Variants in NTHL1 observed in about 807,000 individuals in gnomAD.
NTHL1 encodes endonuclease III-like protein 1.
Under a neutral mutation model 32.3 loss-of-function variants are expected in NTHL1, and 32 were observed. That is an observed-to-expected ratio of 0.99 (90% CI 0.75 to 1.33). NTHL1 has a LOEUF of 1.33. NTHL1 is among the 40% of genes most tolerant of loss of function. The pLI is 0.00. For missense variants in NTHL1, 501 were observed against 414.1 expected (o/e 1.21, Z -1.82); for synonymous variants, 188 against 176.9 (o/e 1.06, Z -0.50).
intron 1 of NTHL1, 134 bp downstream of exon 1, chr16:2,047,555 GGTGGGAACGCAGGGCCGCAC>G (rs928747873): frequency 7.9e-7 from 1 of 1,260,624 alleles, no homozygotes; most frequent in African/African-American, 1.5e-5. Flanking sequence ...AAAGGCGCAA[GGTGGGAACGCAGGGCCGCAC>G]GTGGGAACCG....
chr16:2,047,769 C>T lies in NTHL1; in HGVS notation c.55G>A (p.Ala19Thr), dbSNP rs2150958171. 6.3e-7 allele frequency: 1 copy of T among 1,587,374 alleles called. No homozygotes were observed. The highest frequency in any genetic ancestry group is 8.5e-7 in the Non-Finnish European group (1 of 1,172,252). ...TCCTCCCTACACCCCCGCGGCCCAG[C>T]CCCGGGTCCCAGGCTCCGGCTCCGG... is the stretch of plus-strand genomic sequence containing the variant. ...LTRSRSLGPG[A>T]GPRGCREEPG... Residue 19 changes from alanine (A) to threonine (T), a missense_variant, in exon 1 of 6, where the codon GCT becomes ACT. By Grantham distance (58) the Ala-to-Thr change is moderately conservative. Coordinates refer to ENST00000651570, the MANE Select transcript of NTHL1 (RefSeq NM_002528.7).
intron 4 of NTHL1, among the ~76,000 whole-genome samples, chr16:2,041,327 G>A (rs1327908382): frequency 2.0e-5 from 3 of 152,196 alleles, no homozygotes; most frequent in Non-Finnish European, 4.4e-5. Flanking sequence ...AGTGAATGAC[G>A]AGGACTGCCT....
At chr16:2,047,637 A>T (rs1180931833) in intron 1 of NTHL1, 72 bp downstream of exon 1, 1 of 1,508,314 alleles carries the variant, frequency 6.6e-7, no homozygotes, top group Non-Finnish European at 8.8e-7. Flanking sequence ...GAGCCGCAGG[A>T]GGCGGCCCGG....
At chr16:2,041,799 G>C (rs908687340) in intron 4 of NTHL1, among the ~76,000 whole-genome samples, 6 of 152,008 alleles carry the variant, frequency 3.9e-5, no homozygotes, top group Non-Finnish European at 8.8e-5. Flanking sequence ...TAGTAGAGAC[G>C]GGGTTTCACC....
In NTHL1 at chr16:2,040,040, A is replaced by G. The variant is rs2150937963; in HGVS notation, c.799T>C (p.Trp267Arg). 1 of 1,612,388 alleles carries G rather than the reference A, an allele frequency of 6.2e-7. No individual in the cohort carries two copies. ...ALEEWLPREL[W>R]HEINGLLVGF... ...ACCAAGAGTCCATTGATCTCGTGCC[A>G]CAGCTCCCTGTGGGGGTGGGGGCTG... Residue 267 changes from tryptophan (W) to arginine (R), a missense_variant, in exon 6 of 6, where the codon TGG becomes CGG. Transcript: ENST00000651570.
At chr16:2,047,465 C>A (rs996237312) in intron 1 of NTHL1, 11 of 620,478 alleles carry the variant, frequency 1.8e-5, no homozygotes, top group African/African-American at 9.6e-5. Context: ...GGAAAGGAAG[C>A]GTTTTCTTGC....
Position 2,040,488 on chromosome 16 carries a change from T to TG in NTHL1, c.686-251dup, listed in dbSNP as rs138890310. 563 of 577,796 alleles carry TG rather than the reference T, an allele frequency of 9.7e-4. 3 individuals are homozygous for TG. In the African/African-American group the frequency reaches 9.9e-3, roughly 10 times the overall value. The allele number at this position is 577,796 out of a possible 1,614,324, so 35.8% of individuals were successfully genotyped here. The stretch of plus-strand genomic sequence containing the variant: ...TGAGCCAGCCTGGGGGGCTCTGTTC[T>TG]GGGCTGCCCACTCCCAACACTGGTG... On this transcript the variant is annotated intron_variant, in intron 4 of 5. Coordinates refer to ENST00000651570, the MANE Select transcript of NTHL1 (RefSeq NM_002528.7).
At chr16:2,046,690 G>A (rs965971416) in intron 1 of NTHL1, among the ~76,000 whole-genome samples, 6 of 152,224 alleles carry the variant, frequency 3.9e-5, no homozygotes, top group South Asian at 4.1e-4. Context: ...AATCCTGGCC[G>A]GCCGGGCGCG....
chr16:2,040,610 G>C (rs776065270), intron 4 of NTHL1: 1 of 387,032 alleles, frequency 2.6e-6, no homozygotes, highest in Non-Finnish European at 4.9e-6. Flanking sequence ...CAATAACAGC[G>C]ACAGCTCGCT....
intron 1 of NTHL1, chr16:2,047,281 G>A (rs1224871600): frequency 8.7e-6 from 2 of 229,160 alleles, no homozygotes; most frequent in African/African-American, 2.4e-5. Context: ...AATATAATAA[G>A]TGCCATGCCC....
rs750435227 is a variant in NTHL1, at chr16:2,046,228, T to A, written c.254A>T (p.Gln85Leu). Reference protein sequence around the residue: ...KVPVWEPQDWQQQLVNIRAMR... With the variant: ...KVPVWEPQDWLQQLVNIRAMR... The stretch of plus-strand genomic sequence containing the variant: ...GGCACGGATGTTGACCAGCTGTTGC[T>A]GCCAGTCCTGGGGCTCCCAGACTGG... Residue 85 changes from glutamine to leucine, a missense_variant, in exon 2 of 6, where the codon CAG (glutamine) becomes CTG (leucine). Transcript: ENST00000651570. 2 of 1,613,252 alleles carry A rather than the reference T, an allele frequency of 1.2e-6. No homozygotes were observed. Among genetic ancestry groups the A allele is most frequent in the Non-Finnish European group, 1.7e-6 (2 of 1,180,010 alleles).
rs149277519 is a variant in NTHL1 at position 2,046,133 on chromosome 16, G to T, written c.349C>A (p.Pro117Thr). 1.8e-5 allele frequency: 29 copies of T among 1,611,778 alleles called. No individual in the cohort carries two copies. Among genetic ancestry groups the T allele is most frequent in the South Asian group, 1.8e-4 (16 of 91,068 alleles). ...TEHCYDSSAP[P>T]KVRRYQVLLS... ...CAGATGGGGCCCCTGCCTACCTTTG[G>T]GGGGGCACTGGAGTCATAGCAGTGC... Residue 117 changes from proline (P) to threonine (T), a missense_variant, in exon 2 of 6, where the codon CCA becomes ACA. Transcript: ENST00000651570.
intron 4 of NTHL1, chr16:2,041,958 G>A (rs1015802583): frequency 4.5e-6 from 2 of 446,086 alleles, no homozygotes; most frequent in Non-Finnish European, 9.0e-6. Flanking sequence ...TCACCACGTT[G>A]GCCAGGCTGA....
At chr16:2,041,561 G>A (rs960396915) in intron 4 of NTHL1, among the ~76,000 whole-genome samples, 2 of 151,846 alleles carry the variant, frequency 1.3e-5, no homozygotes, top group Non-Finnish European at 2.9e-5. Flanking sequence ...TCCTGCCTCA[G>A]CCTCCCGAGG....
At position 2,044,619 on chromosome 16, in the gene NTHL1, G is replaced by A. The variant is rs2150942165; in HGVS notation, c.525+11C>T. On this transcript the variant is annotated intron_variant, in intron 3 of 5. Transcript: ENST00000651570. The surrounding 1 kb of genome is among the most constrained non-coding windows in gnomAD (Gnocchi z 5.0). ...TGCCACCCGGCCCCCGTTGCCACAGGCAGGGCTCACCCTCCAGAAACCGAC... is the reference window on the plus strand; with the variant it reads ...TGCCACCCGGCCCCCGTTGCCACAGACAGGGCTCACCCTCCAGAAACCGAC... The A allele has an allele frequency of 6.2e-7, 1 of 1,601,250 alleles. No individual in the cohort carries two copies.
chr16:2,045,049 G>GT (rs1429342334), intron 2 of NTHL1, among the ~76,000 whole-genome samples: 1 of 152,198 alleles, frequency 6.6e-6, no homozygotes, highest in Non-Finnish European at 1.5e-5. Flanking sequence ...GCTTAGAATC[G>GT]TATGTGGCCG....
chr16:2,044,631 C>G lies in NTHL1; in HGVS notation c.524G>C (p.Arg175Thr), dbSNP rs2084315998. The change falls in exon 3 of 6, where the codon AGG becomes ACG. Residue 175 changes from arginine to threonine, a missense_variant and splice_region_variant. Arg to Thr is a moderately conservative substitution (Grantham distance 71). Coordinates refer to ENST00000651570, the MANE Select transcript of NTHL1 (RefSeq NM_002528.7). The surrounding 1 kb of genome is among the most constrained non-coding windows in gnomAD (Gnocchi z 5.0). ...GKLIYPVGFW[R>T]SKVKYIKQTS... ...CCCGTTGCCACAGGCAGGGCTCACC[C>G]TCCAGAAACCGACGGGGTAGATGAG... 1 of 1,603,492 alleles carries G rather than the reference C, an allele frequency of 6.2e-7. No individual in the cohort carries two copies.
At chr16:2,047,640 C>G in intron 1 of NTHL1, 69 bp downstream of exon 1, 1 of 1,509,482 alleles carries the variant, frequency 6.6e-7, no homozygotes, top group Non-Finnish European at 8.8e-7. Flanking sequence ...CCGCAGGAGG[C>G]GGCCCGGGAC....
rs201389795 is a variant in NTHL1, at chr16:2,044,826, G to A, written c.355-26C>T. 5.1e-6 allele frequency: 8 copies of A among 1,560,934 alleles called. No homozygotes were observed. Among genetic ancestry groups the A allele is most frequent in the Admixed American group, 3.7e-5 (2 of 53,734 alleles). On this transcript the variant is annotated intron_variant, in intron 2 of 5. Transcript: ENST00000651570. The surrounding 1 kb of genome is among the most constrained non-coding windows in gnomAD (Gnocchi z 5.0). ...CTGCTTGTGCAGTGACAGGGACCGGGGTGGCGGCGGGTCCTGGGTGATTCC... is the reference window on the plus strand; with the variant it reads ...CTGCTTGTGCAGTGACAGGGACCGGAGTGGCGGCGGGTCCTGGGTGATTCC...
Sources: allele counts gnomAD v4.1 joint callset (sites outside exome capture counted in the v4.1 genomes callset), GRCh38; gene constraint gnomAD v4.1.1; non-coding constraint Gnocchi (gnomAD v3.1); transcripts MANE v1.5; gene names NCBI Gene and HGNC (gene_info 2026-07-23, HGNC 2026-07-21).